Variants in AFF2 observed in about 807,000 individuals in gnomAD.
The protein encoded by AFF2 is AF4/FMR2 family member 2.
In AFF2, 14 loss-of-function variants were observed where a neutral mutation model predicts 76.9. The ratio of observed to expected loss-of-function variants is 0.18; its 90% CI spans 0.12 to 0.28. The LOEUF is 0.28. AFF2 is among the 10% of genes least tolerant of loss of function. The pLI is 1.00. For missense variants in AFF2, 868 were observed against 1,001.1 expected (o/e 0.87, Z 1.79); for synonymous variants, 398 against 366.7 (o/e 1.09, Z -0.98).
intron 1 of AFF2, among the ~76,000 whole-genome samples, chrX:148,531,420 C>T (rs887294243): frequency 6.2e-5 from 7 of 112,190 alleles, no homozygotes; most frequent in Non-Finnish European, 1.9e-5. Flanking sequence ...TTATGGAACA[C>T]GAGATTTCAT....
At chrX:148,672,456 C>T (rs781894383) in intron 3 of AFF2, among the ~76,000 whole-genome samples, 1 of 111,997 alleles carries the variant, frequency 8.9e-6, no homozygotes, top group East Asian at 2.8e-4. Context: ...ATGGCAGGAC[C>T]AGGACCCAGG....
chrX:148,578,634 G>T (rs781928726), intron 1 of AFF2, among the ~76,000 whole-genome samples: 8 of 111,978 alleles, frequency 7.1e-5, no homozygotes, highest in Non-Finnish European at 1.5e-4. Context: ...CCATGTTAAA[G>T]GTTGTTAGGC....
At chrX:148,632,744 T>G (rs1187339450) in intron 1 of AFF2, among the ~76,000 whole-genome samples, 1 of 111,820 alleles carries the variant, frequency 8.9e-6, no homozygotes, top group Admixed American at 9.5e-5. Context: ...TAAAGATGAA[T>G]GTAATCATAG....
At position 148,616,468 on chromosome X, in the gene AFF2, C is replaced by T. The variant is rs782249257; in HGVS notation, c.48-35531C>T. Among the ~76,000 whole-genome samples the T allele has an allele frequency of 5.4e-5, 6 of 111,373 alleles. No individual in the cohort carries two copies. In the South Asian group the frequency reaches 1.5e-3, roughly 28 times the overall value. ...CAGTGTCCCTTGTGTTATAATTTAGCGTACTTTGAGGTGATGTTGACATCT... is the reference window on the plus strand; with the variant it reads ...CAGTGTCCCTTGTGTTATAATTTAGTGTACTTTGAGGTGATGTTGACATCT... On this transcript the variant is annotated intron_variant, in intron 1 of 20. Transcript: ENST00000370460.
chrX:148,808,136 T>C (rs1380167084), intron 3 of AFF2, among the ~76,000 whole-genome samples: 1 of 112,394 alleles, frequency 8.9e-6, no homozygotes, highest in African/African-American at 3.2e-5. Flanking sequence ...TTTCCCATAC[T>C]TCTTTGAACA....
At chrX:148,614,643 CTT>C (rs1237005077) in intron 1 of AFF2, among the ~76,000 whole-genome samples, 1 of 105,790 alleles carries the variant, frequency 9.5e-6, no homozygotes, top group East Asian at 3.0e-4. Flanking sequence ...CTCTCTCTCT[CTT>C]TCTTTCTTCC....
At chrX:148,978,046 TGGA>T in intron 17 of AFF2, 42 bp downstream of exon 17, 2 of 1,002,386 alleles carry the variant, frequency 2.0e-6, no homozygotes, top group Non-Finnish European at 2.8e-6. Context: ...TGAAATGTCA[TGGA>T]AGGATTTGAA....
chrX:148,744,928 T>G (rs2055403156), intron 3 of AFF2, among the ~76,000 whole-genome samples: 2 of 111,196 alleles, frequency 1.8e-5, no homozygotes, highest in Admixed American at 9.5e-5. Flanking sequence ...CCCTCACTGG[T>G]GAGGGAAGGA....
chrX:148,990,454 A>G (rs1232179323), intron 20 of AFF2, among the ~76,000 whole-genome samples: 1 of 112,504 alleles, frequency 8.9e-6, no homozygotes, highest in Non-Finnish European at 1.9e-5. Context: ...GGGAACACCT[A>G]GCTAGTTTTT....
chrX:148,757,699 A>G (rs2069390684), intron 3 of AFF2, among the ~76,000 whole-genome samples: 1 of 111,847 alleles, frequency 8.9e-6, no homozygotes, highest in Non-Finnish European at 1.9e-5. Flanking sequence ...ACTAACCCCA[A>G]TCTTTACTCT....
intron 3 of AFF2, among the ~76,000 whole-genome samples, chrX:148,790,473 T>C (rs916895874): frequency 9.0e-6 from 1 of 111,663 alleles, no homozygotes; most frequent in Non-Finnish European, 1.9e-5. Flanking sequence ...ATAAAGAAAG[T>C]GTGGTATGTA....
intron 2 of AFF2, among the ~76,000 whole-genome samples, chrX:148,655,405 A>G (rs946721073): frequency 1.8e-5 from 2 of 108,363 alleles, no homozygotes; most frequent in Non-Finnish European, 1.9e-5. Context: ...CCTCCCAAGT[A>G]TCTGGAATTA....
intron 1 of AFF2, among the ~76,000 whole-genome samples, chrX:148,620,082 T>C (rs782325859): frequency 9.0e-6 from 1 of 111,477 alleles, no homozygotes; most frequent in African/African-American, 3.3e-5. Flanking sequence ...TAGTCAGCAT[T>C]GTCAAACTCC....
intron 1 of AFF2, among the ~76,000 whole-genome samples, chrX:148,530,118 T>C (rs1280515937): frequency 6.3e-5 from 7 of 111,402 alleles, no homozygotes; most frequent in African/African-American, 2.0e-4. Flanking sequence ...GCCTACTTCA[T>C]GGGGAAGTCA....
chrX:148,581,114 TATACACACATATACGTATACGTATAC>T (rs1557244549), intron 1 of AFF2, among the ~76,000 whole-genome samples: 1 of 94,050 alleles, frequency 1.1e-5, no homozygotes, highest in Non-Finnish European at 2.2e-5. Flanking sequence ...TACACATACG[TATACACACATATACGTATACGTATAC>T]ACACATATAC....
intron 7 of AFF2, among the ~76,000 whole-genome samples, chrX:148,862,282 C>T (rs1226121795): frequency 2.7e-5 from 3 of 110,978 alleles, no homozygotes; most frequent in Admixed American, 1.9e-4. Context: ...GCATGTGGAT[C>T]GTCCACTTCA....
chrX:148,855,255 A>G (rs2070774603), intron 7 of AFF2, among the ~76,000 whole-genome samples: 1 of 111,253 alleles, frequency 9.0e-6, no homozygotes, highest in Admixed American at 9.6e-5. Flanking sequence ...GGAGACTGTG[A>G]TAGTGACGAC....
At chrX:148,804,703 C>T (rs2070104464) in intron 3 of AFF2, among the ~76,000 whole-genome samples, 1 of 112,317 alleles carries the variant, frequency 8.9e-6, no homozygotes. Flanking sequence ...GTTAGCTGGA[C>T]CATGTAACTG....
intron 11 of AFF2, among the ~76,000 whole-genome samples, chrX:148,957,671 T>C (rs1226750060): frequency 1.8e-5 from 2 of 112,093 alleles, no homozygotes; most frequent in Non-Finnish European, 3.8e-5. Context: ...ATTCCAAAAT[T>C]CAAAAATATT....
Sources: allele counts gnomAD v4.1 joint callset (sites outside exome capture counted in the v4.1 genomes callset), GRCh38; gene constraint gnomAD v4.1.1; transcripts MANE v1.5; gene names NCBI Gene and HGNC (gene_info 2026-07-23, HGNC 2026-07-21).